The following PLEKHA5 variants were observed in gnomAD, a reference collection of about 807,000 sequenced individuals.
PLEKHA5 encodes pleckstrin homology domain-containing family A member 5.
A neutral mutation model predicts 181.9 loss-of-function variants in PLEKHA5; 55 were observed. That is an observed-to-expected ratio of 0.30 (90% CI 0.24 to 0.38). PLEKHA5 has a LOEUF of 0.38. Among genes scored for constraint, PLEKHA5 ranks in the 10% least tolerant of loss-of-function variants. The pLI is 1.00. For synonymous variants in PLEKHA5, 535 were observed against 529.4 expected (o/e 1.01, Z -0.15); for missense variants, 1,432 against 1,549.5 (o/e 0.92, Z 1.27).
intron 3 of PLEKHA5, among the ~76,000 whole-genome samples, chr12:19,234,345 G>C (rs1289015725): frequency 6.6e-6 from 1 of 152,146 alleles, no homozygotes; most frequent in Non-Finnish European, 1.5e-5. Flanking sequence ...ACTTCAGGCT[G>C]TTAGGGCCTT....
intron 3 of PLEKHA5, among the ~76,000 whole-genome samples, chr12:19,167,483 G>A (rs2044747272): frequency 7.6e-6 from 1 of 131,652 alleles, no homozygotes; most frequent in East Asian, 2.3e-4. Flanking sequence ...TTGTGTGTGC[G>A]TGATTCTTAG....
At chr12:19,276,167 G>T (rs1300933399) in intron 11 of PLEKHA5, among the ~76,000 whole-genome samples, 2 of 152,168 alleles carry the variant, frequency 1.3e-5, no homozygotes, top group Non-Finnish European at 2.9e-5. Flanking sequence ...AAGAAATCCA[G>T]TATGACTTGA....
At chr12:19,288,545 T>C (rs182936728) in intron 13 of PLEKHA5, among the ~76,000 whole-genome samples, 17 of 152,254 alleles carry the variant, frequency 1.1e-4, no homozygotes, top group African/African-American at 3.9e-4. Flanking sequence ...TGTATAGTTG[T>C]TCATTATTTA....
intron 26 of PLEKHA5, among the ~76,000 whole-genome samples, chr12:19,357,440 T>C (rs900054411): frequency 6.6e-6 from 1 of 151,872 alleles, no homozygotes; most frequent in Admixed American, 6.6e-5. Context: ...GAGACAGGGT[T>C]TCGCCATGTT....
intron 3 of PLEKHA5, among the ~76,000 whole-genome samples, chr12:19,144,632 C>T (rs2151187578): frequency 6.6e-6 from 1 of 152,240 alleles, no homozygotes; most frequent in East Asian, 1.9e-4. Context: ...TAAGTTTCAG[C>T]CAGCATTGCA....
intron 3 of PLEKHA5, among the ~76,000 whole-genome samples, chr12:19,246,821 T>C (rs761159546): frequency 3.7e-4 from 56 of 152,320 alleles, no homozygotes; most frequent in Middle Eastern, 3.4e-3. Context: ...TGTCAGTTAG[T>C]ACTTAATTCC....
intron 20 of PLEKHA5, among the ~76,000 whole-genome samples, chr12:19,336,240 T>G (rs2093416562): frequency 2.0e-5 from 3 of 152,340 alleles, no homozygotes; most frequent in African/African-American, 7.2e-5. Flanking sequence ...ACTATTTCCA[T>G]TCATGGAGAA....
chr12:19,353,739 G>A (rs112160794), intron 25 of PLEKHA5, 145 bp from the exon 26 acceptor site: 16 of 561,978 alleles, frequency 2.8e-5, no homozygotes, highest in Middle Eastern at 4.5e-4. Context: ...GATTACAGGC[G>A]TGAGCCACCG....
chr12:19,227,499 A>G (rs898395460), intron 3 of PLEKHA5, among the ~76,000 whole-genome samples: 4 of 152,150 alleles, frequency 2.6e-5, no homozygotes, highest in African/African-American at 4.8e-5. Flanking sequence ...TTGGAATCAG[A>G]GTTCCTTCCA....
chr12:19,323,603 G>A (rs1320689725), intron 20 of PLEKHA5, among the ~76,000 whole-genome samples: 1 of 151,884 alleles, frequency 6.6e-6, no homozygotes, highest in South Asian at 2.1e-4. Context: ...GATCACTTGA[G>A]GTCAGGAGTT....
chr12:19,331,534 A>G (rs148657981), intron 20 of PLEKHA5, among the ~76,000 whole-genome samples: 1 of 152,140 alleles, frequency 6.6e-6, no homozygotes, highest in Non-Finnish European at 1.5e-5. Context: ...AGGACATAGT[A>G]TATATCTGCT....
At chr12:19,224,426 C>T (rs944698172) in intron 3 of PLEKHA5, among the ~76,000 whole-genome samples, 39 of 152,026 alleles carry the variant, frequency 2.6e-4, no homozygotes, top group African/African-American at 9.2e-4. Context: ...AACTTCTTTT[C>T]CCACTCACTT....
At chr12:19,152,313 A>G (rs2040603959) in intron 3 of PLEKHA5, 1 of 152,254 alleles carries the variant, frequency 6.6e-6, no homozygotes, top group South Asian at 2.1e-4. Flanking sequence ...CTAATAGGCA[A>G]CAAAGTAAGC....
Position 19,173,005 on chromosome 12 carries a change from C to CTTTTTTTTTTTTT in PLEKHA5, c.227+40572_227+40584dup, listed in dbSNP as rs71064064. Among the ~76,000 whole-genome samples, 272 of 33,552 alleles carry CTTTTTTTTTTTTT rather than the reference C, an allele frequency of 8.1e-3. 102 individuals carry two copies. Among genetic ancestry groups the CTTTTTTTTTTTTT allele is most frequent in the Non-Finnish European group, 0.011 (218 of 19,204 alleles). 22.0% of individuals were successfully genotyped at this position (33,552 alleles called of 152,430 possible). The stretch of plus-strand genomic sequence containing the variant: ...AGAAAATTGCTACTGATTTCCCTTT[C>CTTTTTTTTTTTTT]TTTTTTTTTTTTTTTTTTTTTTTTT... On this transcript the variant is annotated intron_variant, in intron 3 of 31. Coordinates refer to ENST00000429027, the MANE Select transcript of PLEKHA5 (RefSeq NM_001256470.2).
intron 3 of PLEKHA5, among the ~76,000 whole-genome samples, chr12:19,210,393 TA>T (rs1408854579): frequency 6.6e-6 from 1 of 152,202 alleles, no homozygotes; most frequent in Non-Finnish European, 1.5e-5. Flanking sequence ...GACTTATTAA[TA>T]CAAATGGAAC....
intron 3 of PLEKHA5, among the ~76,000 whole-genome samples, chr12:19,246,218 T>C (rs989225102): frequency 6.6e-6 from 1 of 151,814 alleles, no homozygotes; most frequent in Non-Finnish European, 1.5e-5. Context: ...GACCTCGTGA[T>C]CCACCCGCCT....
chr12:19,147,211 C>CAA (rs1161658983), intron 3 of PLEKHA5: 1 of 152,130 alleles, frequency 6.6e-6, no homozygotes, highest in African/African-American at 2.4e-5. Flanking sequence ...ACACATAAGT[C>CAA]AATGAGTATT....
intron 3 of PLEKHA5, among the ~76,000 whole-genome samples, chr12:19,167,363 A>G (rs1231904284): frequency 1.3e-5 from 2 of 148,170 alleles, no homozygotes; most frequent in Admixed American, 6.7e-5. Context: ...TAATGTTGGC[A>G]TCATACTTGC....
chr12:19,241,236 G>A (rs912604370), intron 3 of PLEKHA5, among the ~76,000 whole-genome samples: 1 of 152,156 alleles, frequency 6.6e-6, no homozygotes, highest in African/African-American at 2.4e-5. Flanking sequence ...GCCTTGATGT[G>A]TAACCAGATA....
Sources: gnomAD v4.1 joint callset for allele counts (sites outside exome capture counted in the v4.1 genomes callset) on GRCh38, gnomAD v4.1.1 for gene constraint, MANE v1.5 for transcripts, NCBI Gene and HGNC (gene_info 2026-07-23, HGNC 2026-07-21) for gene names.